Variants in LRRC4C observed in about 807,000 individuals in gnomAD.
LRRC4C encodes leucine-rich repeat-containing protein 4C.
In LRRC4C, 5 loss-of-function variants were observed where a neutral mutation model predicts 33.6. That is an observed-to-expected ratio of 0.15 (90% CI 0.08 to 0.31). The LOEUF is 0.31. Ranked by LOEUF, LRRC4C falls within the 10% of genes least tolerant of loss-of-function variation. The pLI, the probability that LRRC4C is intolerant of heterozygous loss-of-function variation, is 1.00. For missense variants in LRRC4C, 560 were observed against 796.7 expected, an observed-to-expected ratio of 0.70 and a Z score of 3.58; for synonymous variants, 329 against 302.0, an observed-to-expected ratio of 1.09 and a Z score of -0.93.
chr11:40,686,163 C>T (rs1944943420), intron 2 of LRRC4C, among the ~76,000 whole-genome samples: 1 of 152,096 alleles, frequency 6.6e-6, no homozygotes, highest in Non-Finnish European at 1.5e-5. Context: ...GGACATGTTT[C>T]ATGACCTTTC....
intron 3 of LRRC4C, among the ~76,000 whole-genome samples, chr11:40,458,537 G>T (rs989840672): frequency 2.0e-5 from 3 of 151,972 alleles, no homozygotes; most frequent in Non-Finnish European, 4.4e-5. Flanking sequence ...TTCATCATCC[G>T]TGAAGTTTCT....
At chr11:40,503,511 T>C (rs1445435883) in intron 3 of LRRC4C, among the ~76,000 whole-genome samples, 2 of 152,226 alleles carry the variant, frequency 1.3e-5, no homozygotes, top group African/African-American at 4.8e-5. Context: ...TTTCACTATA[T>C]TGTCTATGCA....
chr11:41,095,168 G>A (rs1940727947), intron 1 of LRRC4C, among the ~76,000 whole-genome samples: 1 of 151,976 alleles, frequency 6.6e-6, no homozygotes, highest in African/African-American at 2.4e-5. Context: ...TGAAGGGGAA[G>A]CAGGCACCTT....
At chr11:40,994,729 T>A (rs1156498708) in intron 1 of LRRC4C, among the ~76,000 whole-genome samples, 1 of 152,162 alleles carries the variant, frequency 6.6e-6, no homozygotes, top group Admixed American at 6.6e-5. Context: ...ATATTAAGCC[T>A]TTTATCCCAA....
At chr11:41,034,172 T>C (rs1170952263) in intron 1 of LRRC4C, among the ~76,000 whole-genome samples, 1 of 152,030 alleles carries the variant, frequency 6.6e-6, no homozygotes, top group Non-Finnish European at 1.5e-5. Context: ...ACTGTTGCTA[T>C]CATAGGAACA....
chr11:41,406,000 C>T (rs1954217658), intron 1 of LRRC4C, among the ~76,000 whole-genome samples: 1 of 151,946 alleles, frequency 6.6e-6, no homozygotes, highest in Admixed American at 6.6e-5. Context: ...CAGCTGTCTC[C>T]CTAGAAGGGA....
At chr11:40,271,224 A>G (rs1010479690) in intron 4 of LRRC4C, among the ~76,000 whole-genome samples, 4 of 152,140 alleles carry the variant, frequency 2.6e-5, no homozygotes, top group African/African-American at 4.8e-5. Context: ...CCAGCAGACT[A>G]TAAGCCCTCA....
At chr11:41,337,186 AG>A (rs957568559) in intron 1 of LRRC4C, among the ~76,000 whole-genome samples, 2 of 152,060 alleles carry the variant, frequency 1.3e-5, no homozygotes, top group African/African-American at 4.8e-5. Context: ...CTGGCACCAC[AG>A]GTATGTGCTA....
intron 4 of LRRC4C, among the ~76,000 whole-genome samples, chr11:40,274,627 A>C (rs2136376893): frequency 6.6e-6 from 1 of 152,238 alleles, no homozygotes; most frequent in South Asian, 2.1e-4. Flanking sequence ...AGAAAAATGT[A>C]TTTCCATTCT....
intron 2 of LRRC4C, among the ~76,000 whole-genome samples, chr11:40,764,982 G>A (rs1460928812): frequency 6.6e-6 from 1 of 152,046 alleles, no homozygotes; most frequent in African/African-American, 2.4e-5. Flanking sequence ...CGAAGGATAG[G>A]TACAAACTAT....
intron 3 of LRRC4C, among the ~76,000 whole-genome samples, chr11:40,338,102 T>C (rs928326467): frequency 6.6e-6 from 1 of 152,242 alleles, no homozygotes; most frequent in African/African-American, 2.4e-5. Context: ...CGATACTTTC[T>C]AAAATGCTTT....
At chr11:40,902,265 T>C (rs1440283411) in intron 2 of LRRC4C, among the ~76,000 whole-genome samples, 1 of 152,090 alleles carries the variant, frequency 6.6e-6, no homozygotes, top group Non-Finnish European at 1.5e-5. Flanking sequence ...TGATATTTAA[T>C]GTTACTGTTG....
intron 1 of LRRC4C, among the ~76,000 whole-genome samples, chr11:41,159,422 A>G (rs1332307350): frequency 6.6e-6 from 1 of 152,154 alleles, no homozygotes; most frequent in African/African-American, 2.4e-5. Context: ...ATTGTTTCAG[A>G]GTGCTAAAGG....
At chr11:41,018,515 T>C (rs1215863427) in intron 1 of LRRC4C, among the ~76,000 whole-genome samples, 1 of 152,188 alleles carries the variant, frequency 6.6e-6, no homozygotes, top group African/African-American at 2.4e-5. Flanking sequence ...TTCAGCTTTT[T>C]ATTTTCCTTT....
chr11:40,600,624 G>A (rs1259490796), intron 3 of LRRC4C, among the ~76,000 whole-genome samples: 4 of 152,152 alleles, frequency 2.6e-5, no homozygotes, highest in African/African-American at 9.7e-5. Context: ...AAGAAGCTAT[G>A]GAGAAATGTT....
chr11:40,977,731 A>G (rs1852188520), intron 1 of LRRC4C, among the ~76,000 whole-genome samples: 2 of 152,140 alleles, frequency 1.3e-5, no homozygotes, highest in South Asian at 4.1e-4. Flanking sequence ...AGTGCCTCAA[A>G]ACTTAAAAAA....
At chr11:40,788,300 AT>A (rs76779664) in intron 2 of LRRC4C, among the ~76,000 whole-genome samples, 20,033 of 151,422 alleles carry the variant, frequency 0.13, 1,401 homozygotes, top group East Asian at 0.18. Flanking sequence ...GCAACTGAAC[AT>A]TTTTTTTTCT....
chr11:40,183,378 C>A (rs181307963), intron 5 of LRRC4C, among the ~76,000 whole-genome samples: 1 of 152,096 alleles, frequency 6.6e-6, no homozygotes, highest in East Asian at 1.9e-4. Context: ...ATAACTCAAA[C>A]GTTTGTTGTT....
At chr11:41,014,858 C>G (rs1001776972) in intron 1 of LRRC4C, among the ~76,000 whole-genome samples, 12 of 152,028 alleles carry the variant, frequency 7.9e-5, no homozygotes, top group African/African-American at 2.9e-4. Context: ...ATAAAAAGAT[C>G]GTTTTCATTT....
Sources: gnomAD v4.1 joint callset for allele counts (sites outside exome capture counted in the v4.1 genomes callset) on GRCh38, gnomAD v4.1.1 for gene constraint, MANE v1.5 for transcripts, NCBI Gene and HGNC (gene_info 2026-07-23, HGNC 2026-07-21) for gene names.